Variants in KLHDC10 observed in about 807,000 individuals in gnomAD.
KLHDC10 encodes the protein kelch domain-containing protein 10.
Under a neutral mutation model 56.1 loss-of-function variants are expected in KLHDC10, and 24 were observed. The ratio of observed to expected loss-of-function variants is 0.43; its 90% CI spans 0.31 to 0.60. The LOEUF (loss-of-function observed/expected upper bound fraction) is 0.60, where lower values mean the gene tolerates loss of function less well. Among genes scored for constraint, KLHDC10 ranks in the 20% least tolerant of loss-of-function variants. The pLI is 0.11. For missense variants in KLHDC10, 349 were observed against 567.0 expected (o/e 0.62, Z 3.91); for synonymous variants, 188 against 207.1 (o/e 0.91, Z 0.79).
At chr7:130,096,072 G>A (rs1795844069) in intron 1 of KLHDC10, among the ~76,000 whole-genome samples, 3 of 152,122 alleles carry the variant, frequency 2.0e-5, no homozygotes, top group Non-Finnish European at 4.4e-5. Context: ...CATAGCAGAT[G>A]CTTAATAAAA....
chr7:130,127,842 T>C (rs1402441464), intron 8 of KLHDC10, among the ~76,000 whole-genome samples: 1 of 152,246 alleles, frequency 6.6e-6, no homozygotes, highest in Non-Finnish European at 1.5e-5. Context: ...TGTTATTTCA[T>C]AAAGTTGATT....
intron 5 of KLHDC10, among the ~76,000 whole-genome samples, chr7:130,123,015 G>GGA (rs1300208239): frequency 1.3e-3 from 184 of 139,122 alleles, no homozygotes; most frequent in Middle Eastern, 3.8e-3. Context: ...ATAGATGGAT[G>GGA]TATGGATGGA....
chr7:130,093,167 AAAAAT>A (rs1165611013), intron 1 of KLHDC10, among the ~76,000 whole-genome samples: 4 of 151,916 alleles, frequency 2.6e-5, no homozygotes, highest in Non-Finnish European at 1.5e-5. Flanking sequence ...AAAACTAGCA[AAAAAT>A]AAAATATTGA....
rs989471020 is a variant in KLHDC10 at position 130,134,160 on chromosome 7, T to C, written c.*3414T>C. 1 of 152,232 alleles carries C rather than the reference T, an allele frequency of 6.6e-6. No homozygotes were observed. Among genetic ancestry groups the C allele is most frequent in the African/African-American group, 2.4e-5 (1 of 41,458 alleles). 9.4% of individuals were successfully genotyped at this position (152,232 alleles called of 1,614,324 possible). On this transcript the variant is annotated 3_prime_UTR_variant, in exon 10 of 10. Coordinates refer to ENST00000335420, the MANE Select transcript of KLHDC10 (RefSeq NM_014997.4). ...CAAACAATAGATTCATTTACATTTCTTTTTCCTCCCTATCCTTTCCTGTAA... is the reference window on the plus strand; with the variant it reads ...CAAACAATAGATTCATTTACATTTCCTTTTCCTCCCTATCCTTTCCTGTAA...
intron 2 of KLHDC10, among the ~76,000 whole-genome samples, chr7:130,109,975 T>G (rs931958924): frequency 6.6e-6 from 1 of 152,206 alleles, no homozygotes; most frequent in African/African-American, 2.4e-5. Context: ...AATCTGAGAT[T>G]GTGTGTTACA....
intron 4 of KLHDC10, 99 bp downstream of exon 4, chr7:130,121,002 A>C (rs2116909781): frequency 1.7e-6 from 2 of 1,210,746 alleles, no homozygotes; most frequent in East Asian, 5.0e-5. Flanking sequence ...ATTTTAATGG[A>C]GAAGAGTTCT....
chr7:130,111,799 C>T (rs939850972), intron 2 of KLHDC10, among the ~76,000 whole-genome samples: 6 of 151,924 alleles, frequency 3.9e-5, no homozygotes, highest in African/African-American at 7.3e-5. Context: ...GGAGATGATC[C>T]GGCAGTTCCA....
At chr7:130,125,322 A>G (rs1796300120) in intron 6 of KLHDC10, among the ~76,000 whole-genome samples, 1 of 152,010 alleles carries the variant, frequency 6.6e-6, no homozygotes, top group South Asian at 2.1e-4. Flanking sequence ...CGGGCGGATC[A>G]CCTGAGGTTG....
intron 3 of KLHDC10, among the ~76,000 whole-genome samples, chr7:130,119,558 A>AG (rs59006596): frequency 3.5e-5 from 4 of 115,152 alleles, no homozygotes; most frequent in African/African-American, 1.2e-4. Context: ...AAAAAAAAAA[A>AG]GCCAGCTGGG....
At chr7:130,093,840 A>G (rs888198316) in intron 1 of KLHDC10, among the ~76,000 whole-genome samples, 4 of 152,166 alleles carry the variant, frequency 2.6e-5, no homozygotes, top group Admixed American at 2.6e-4. Context: ...TTGCTGAGAG[A>G]GAGACATGCC....
In KLHDC10 at chr7:130,107,843, C is replaced by CAAAAA. The variant is rs3043725; in HGVS notation, c.254-8582_254-8578dup. On this transcript the variant is annotated intron_variant, in intron 2 of 9. Coordinates refer to ENST00000335420, the MANE Select transcript of KLHDC10 (RefSeq NM_014997.4). ...TGGGCGACAGAGTGGGACTCCGTCT[C>CAAAAA]AAAAAAAAAAAAAAAAAAAAAAAAG... Among the ~76,000 whole-genome samples, 181 of 26,026 alleles carry CAAAAA rather than the reference C, an allele frequency of 7.0e-3. 30 individuals are homozygous for CAAAAA. Among genetic ancestry groups the CAAAAA allele is most frequent in the African/African-American group, 0.024 (102 of 4,288 alleles). The allele number at this position is 26,026 out of a possible 152,430, so 17.1% of individuals were successfully genotyped here.
chr7:130,115,629 T>C (rs111530517), intron 2 of KLHDC10, among the ~76,000 whole-genome samples: 26,159 of 148,340 alleles, frequency 0.18, 2,894 homozygotes, highest in East Asian at 0.31. Flanking sequence ...GCAGGACAAT[T>C]GCTTGAACCT....
At chr7:130,128,889 A>AAAAAAAAAAAAAATATATAT in intron 8 of KLHDC10, among the ~76,000 whole-genome samples, 1 of 66,956 alleles carries the variant, frequency 1.5e-5, no homozygotes, top group Non-Finnish European at 2.8e-5. Context: ...AAAAAAAAAA[A>AAAAAAAAAAAAAATATATAT]ATATATATAT....
chr7:130,118,530 G>A (rs1796202258), intron 3 of KLHDC10, among the ~76,000 whole-genome samples: 1 of 152,206 alleles, frequency 6.6e-6, no homozygotes, highest in Non-Finnish European at 1.5e-5. Flanking sequence ...TCATTCGTGT[G>A]TTCACTGGAG....
chr7:130,125,551 A>G (rs1030998022), intron 6 of KLHDC10, among the ~76,000 whole-genome samples: 2 of 147,240 alleles, frequency 1.4e-5, no homozygotes, highest in African/African-American at 2.5e-5. Flanking sequence ...TCAAAAAAAT[A>G]TAAAATAAAA....
rs149942875 is a variant in KLHDC10, at chr7:130,108,927, T to C, written c.254-7518T>C. 5.8e-3 allele frequency among the ~76,000 whole-genome samples: 878 copies of C among 152,246 alleles called. 7 individuals are homozygous for C. Among genetic ancestry groups the C allele is most frequent in the African/African-American group, 0.02 (817 of 41,546 alleles). ...ACATGATGTCTTGCTCTCTCTCTCT[T>C]TTTTTGAGACAGGCTGTCACCCTGT... is the stretch of plus-strand genomic sequence containing the variant. On this transcript the variant is annotated intron_variant, in intron 2 of 9. Coordinates refer to ENST00000335420, the MANE Select transcript of KLHDC10 (RefSeq NM_014997.4).
chr7:130,097,255 C>T (rs1359514450), intron 2 of KLHDC10, among the ~76,000 whole-genome samples: 1 of 152,030 alleles, frequency 6.6e-6, no homozygotes, highest in Non-Finnish European at 1.5e-5. Flanking sequence ...AATCATCTCA[C>T]TGATATAAAT....
At chr7:130,112,679 A>G (rs1796117970) in intron 2 of KLHDC10, among the ~76,000 whole-genome samples, 1 of 152,172 alleles carries the variant, frequency 6.6e-6, no homozygotes, top group South Asian at 2.1e-4. Flanking sequence ...GACAATTCCC[A>G]TGGTTTATCC....
intron 1 of KLHDC10, among the ~76,000 whole-genome samples, chr7:130,077,084 G>T (rs1422999105): frequency 6.6e-6 from 1 of 151,898 alleles, no homozygotes; most frequent in South Asian, 2.1e-4. Flanking sequence ...GCCAGGCATG[G>T]GGGCTCACGC....
Sources: allele counts gnomAD v4.1 joint callset (sites outside exome capture counted in the v4.1 genomes callset), GRCh38; gene constraint gnomAD v4.1.1; transcripts MANE v1.5; gene names NCBI Gene and HGNC (gene_info 2026-07-23, HGNC 2026-07-21).